ITPR2: variants seen among roughly 807,000 people sequenced by gnomAD.
ITPR2 encodes the protein inositol 1,4,5-trisphosphate-gated calcium channel ITPR2.
In ITPR2, 207 loss-of-function variants were observed where a neutral mutation model predicts 317.1. The ratio of observed to expected loss-of-function variants is 0.65; its 90% CI spans 0.58 to 0.73. The LOEUF (loss-of-function observed/expected upper bound fraction) is 0.73, where lower values mean the gene tolerates loss of function less well. Ranked by LOEUF, ITPR2 falls within the 30% of genes least tolerant of loss-of-function variation. ITPR2 has a pLI of 0.00. For missense variants in ITPR2, 2,613 were observed against 3,284.0 expected, an observed-to-expected ratio of 0.80 and a Z score of 4.99; for synonymous variants, 1,156 against 1,149.1, an observed-to-expected ratio of 1.01 and a Z score of -0.12.
intron 37 of ITPR2, among the ~76,000 whole-genome samples, chr12:26,511,729 T>A (rs994413589): frequency 3.9e-5 from 6 of 152,234 alleles, no homozygotes; most frequent in Non-Finnish European, 8.8e-5. Context: ...ACTCTCAGCA[T>A]ATGTGGGACC....
chr12:26,650,536 G>C (rs1947224868), intron 21 of ITPR2, among the ~76,000 whole-genome samples: 1 of 151,932 alleles, frequency 6.6e-6, no homozygotes, highest in Non-Finnish European at 1.5e-5. Context: ...ATGCATGTTG[G>C]GGGGCAGGTG....
chr12:26,568,708 T>C (rs1945075100), intron 34 of ITPR2, among the ~76,000 whole-genome samples: 1 of 152,122 alleles, frequency 6.6e-6, no homozygotes, highest in Non-Finnish European at 1.5e-5. Context: ...TAAGCATTAA[T>C]TAGAAAACCT....
At chr12:26,780,105 G>A (rs192577993) in intron 2 of ITPR2, among the ~76,000 whole-genome samples, 48 of 152,320 alleles carry the variant, frequency 3.2e-4, no homozygotes, top group Admixed American at 2.5e-3. Context: ...AAGTGGCTAT[G>A]GTGGCAGGGA....
Position 26,663,670 on chromosome 12 carries a change from GGGC to G in ITPR2, c.1713+12_1713+14del, listed in dbSNP as rs1356972185. The G allele has an allele frequency of 1.3e-6, 2 of 1,597,438 alleles. No individual in the cohort carries two copies. Among genetic ancestry groups the G allele is most frequent in the Non-Finnish European group, 1.7e-6 (2 of 1,173,560 alleles). The stretch of plus-strand genomic sequence containing the variant: ...TTACATATGAAACAGTTTAAAATGG[GGGC>G]TACCCTCTGACCTGATTTTTCCGGT... On this transcript the variant is annotated intron_variant, in intron 15 of 56. Coordinates refer to ENST00000381340, the MANE Select transcript of ITPR2 (RefSeq NM_002223.4).
At chr12:26,463,395 G>A (rs117308928) in intron 45 of ITPR2, among the ~76,000 whole-genome samples, 5,929 of 151,958 alleles carry the variant, frequency 0.039, 132 homozygotes, top group Middle Eastern at 0.11. Context: ...GGCCGGGCTC[G>A]GTGGCTCACG....
chr12:26,798,167 C>T (rs192053141), intron 1 of ITPR2, among the ~76,000 whole-genome samples: 2 of 152,116 alleles, frequency 1.3e-5, no homozygotes, highest in African/African-American at 4.8e-5. Context: ...AACCCTGGCA[C>T]GTCATTCAAC....
At chr12:26,773,421 A>G (rs946731405) in intron 2 of ITPR2, among the ~76,000 whole-genome samples, 1 of 152,234 alleles carries the variant, frequency 6.6e-6, no homozygotes, top group African/African-American at 2.4e-5. Context: ...ATGAGCCTGC[A>G]GCTCATGAAA....
At chr12:26,772,423 T>TTATATATAATACATGTATTATATATAA (rs1949863117) in intron 2 of ITPR2, among the ~76,000 whole-genome samples, 3 of 93,964 alleles carry the variant, frequency 3.2e-5, no homozygotes, top group African/African-American at 1.0e-4. Flanking sequence ...TTTATATATA[T>TTATATATAATACATGTATTATATATAA]TATATATAAT....
chr12:26,544,508 C>T (rs990793732), intron 37 of ITPR2, among the ~76,000 whole-genome samples: 1 of 151,648 alleles, frequency 6.6e-6, no homozygotes. Context: ...TTGGTTCAAC[C>T]ATGAAGCAAA....
In ITPR2 at chr12:26,536,353, T is replaced by C. The variant is rs144786541; in HGVS notation, c.5073+13894A>G. 2.0e-5 allele frequency among the ~76,000 whole-genome samples: 3 copies of C among 152,274 alleles called. No homozygotes were observed. The East Asian group carries it at 5.8e-4, about 29-fold the overall frequency. On this transcript the variant is annotated intron_variant, in intron 37 of 56. Transcript: ENST00000381340. ...TCAGGAGGAACAGCCCCTTCCCTCT[T>C]CTATGCTATTTTATTAGGACAGTTT...
chr12:26,458,020 G>A (rs376473274), intron 45 of ITPR2, among the ~76,000 whole-genome samples: 65 of 152,298 alleles, frequency 4.3e-4, no homozygotes, highest in African/African-American at 1.3e-3. Flanking sequence ...TGGTGAGCAC[G>A]TACATACTGC....
chr12:26,706,509 C>A (rs796454617), intron 9 of ITPR2, among the ~76,000 whole-genome samples: 9 of 152,230 alleles, frequency 5.9e-5, no homozygotes, highest in African/African-American at 2.2e-4. Flanking sequence ...ACAAGCTGCC[C>A]TCACTGTCTG....
intron 2 of ITPR2, among the ~76,000 whole-genome samples, chr12:26,743,894 A>AAAAAC (rs1032749529): frequency 6.6e-6 from 1 of 152,192 alleles, no homozygotes; most frequent in African/African-American, 2.4e-5. Context: ...TCCATCTCAA[A>AAAAAC]AAAACAAAAC....
At chr12:26,567,238 C>A (rs1414864003) in intron 34 of ITPR2, among the ~76,000 whole-genome samples, 1 of 152,148 alleles carries the variant, frequency 6.6e-6, no homozygotes, top group East Asian at 1.9e-4. Context: ...AAATTTAGTT[C>A]AATGGCAGCA....
At chr12:26,426,678 A>G (rs1364668257) in intron 49 of ITPR2, among the ~76,000 whole-genome samples, 1 of 152,094 alleles carries the variant, frequency 6.6e-6, no homozygotes, top group Non-Finnish European at 1.5e-5. Flanking sequence ...GCTAATTGGG[A>G]GCTGTCAAAT....
rs142272811 is a variant in ITPR2 at position 26,560,139 on chromosome 12, G to A, written c.4821+1623C>T. Among the ~76,000 whole-genome samples the A allele has an allele frequency of 4.4e-4, 67 of 152,142 alleles. 1 individual carries two copies. The highest frequency in any genetic ancestry group is 7.8e-4 in the Non-Finnish European group (53 of 67,978). The stretch of plus-strand genomic sequence containing the variant: ...AGAAGTTTACTAAAAGAAGTTTAAG[G>A]CACACCCTCTCTGTGCTGGTTGGCA... On this transcript the variant is annotated intron_variant, in intron 35 of 56. Coordinates refer to ENST00000381340, the MANE Select transcript of ITPR2 (RefSeq NM_002223.4).
intron 37 of ITPR2, among the ~76,000 whole-genome samples, chr12:26,501,941 C>T (rs1433751563): frequency 6.6e-6 from 1 of 152,108 alleles, no homozygotes; most frequent in Non-Finnish European, 1.5e-5. Context: ...AATGTTTAAA[C>T]AGTAAATGAT....
chr12:26,753,409 C>G (rs1949462728), intron 2 of ITPR2, among the ~76,000 whole-genome samples: 1 of 152,080 alleles, frequency 6.6e-6, no homozygotes, highest in South Asian at 2.1e-4. Flanking sequence ...ACATGGGGAG[C>G]TTTTTTCACC....
At chr12:26,719,994 T>A (rs1948806391) in intron 5 of ITPR2, among the ~76,000 whole-genome samples, 1 of 152,000 alleles carries the variant, frequency 6.6e-6, no homozygotes, top group African/African-American at 2.4e-5. Flanking sequence ...GATAAAAAAA[T>A]AAGGAAAGAA....
Sources: gnomAD v4.1 joint callset for allele counts (sites outside exome capture counted in the v4.1 genomes callset) on GRCh38, gnomAD v4.1.1 for gene constraint, MANE v1.5 for transcripts, NCBI Gene and HGNC (gene_info 2026-07-23, HGNC 2026-07-21) for gene names.